The following ACTN2 variants were observed in gnomAD, a reference collection of about 807,000 sequenced individuals.
ACTN2 encodes alpha-actinin-2.
In ACTN2, 39 loss-of-function variants were observed where a neutral mutation model predicts 113.8. That is an observed-to-expected ratio of 0.34 (90% CI 0.27 to 0.45). ACTN2 has a LOEUF of 0.45. ACTN2 is among the 20% of genes least tolerant of loss of function. ACTN2 has a pLI of 1.00. For synonymous variants in ACTN2, 429 were observed against 444.1 expected (o/e 0.97, Z 0.43); for missense variants, 992 against 1,177.9 (o/e 0.84, Z 2.31).
chr1:236,753,502 G>A (rs369583232), intron 15 of ACTN2, among the ~76,000 whole-genome samples: 4 of 152,132 alleles, frequency 2.6e-5, no homozygotes, highest in Admixed American at 6.5e-5. Flanking sequence ...TGCTGTCCAC[G>A]TCATTCATAA....
At chr1:236,719,651 G>A (rs1226320979) in intron 3 of ACTN2, among the ~76,000 whole-genome samples, 3 of 152,098 alleles carry the variant, frequency 2.0e-5, no homozygotes, top group Non-Finnish European at 2.9e-5. Flanking sequence ...TTAGCTGGGT[G>A]TGGTGGCGCA....
chr1:236,702,412 A>G (rs1657704982), intron 1 of ACTN2, among the ~76,000 whole-genome samples: 1 of 152,250 alleles, frequency 6.6e-6, no homozygotes, highest in Non-Finnish European at 1.5e-5. Flanking sequence ...TAGAATATTT[A>G]GGAAATATTA....
intron 9 of ACTN2, among the ~76,000 whole-genome samples, 160 bp from the exon 10 acceptor site, chr1:236,739,142 C>G (rs1658986443): frequency 6.6e-6 from 1 of 152,068 alleles, no homozygotes; most frequent in Admixed American, 6.6e-5. Flanking sequence ...TGGGCGGACA[C>G]TGAACATCTC....
intron 1 of ACTN2, among the ~76,000 whole-genome samples, chr1:236,709,250 A>ATATATATATATG (rs1558227429): frequency 1.0e-5 from 1 of 97,552 alleles, no homozygotes; most frequent in African/African-American, 3.5e-5. Flanking sequence ...ATATATATAT[A>ATATATATATATG]TATATACACA....
intron 2 of ACTN2, among the ~76,000 whole-genome samples, chr1:236,718,671 A>G (rs941699534): frequency 6.6e-6 from 1 of 152,186 alleles, no homozygotes; most frequent in African/African-American, 2.4e-5. Context: ...TCTGAAAAGC[A>G]TGTGTCCTTC....
chr1:236,700,819 A>G lies in ACTN2; in HGVS notation c.126+14020A>G, dbSNP rs547208092. 2.0e-5 allele frequency among the ~76,000 whole-genome samples: 3 copies of G among 152,330 alleles called. No homozygotes were observed. In the South Asian group the frequency reaches 6.2e-4, roughly 32 times the overall value. ...GTCTTGCCAAGACTGCTTCCGGGGAATTTATTTAGACACAGCAGGCCCCTG... is the reference window on the plus strand; with the variant it reads ...GTCTTGCCAAGACTGCTTCCGGGGAGTTTATTTAGACACAGCAGGCCCCTG... On this transcript the variant is annotated intron_variant, in intron 1 of 20. Transcript: ENST00000366578.
chr1:236,695,563 T>TTCCCCCCC (rs1553296741), intron 1 of ACTN2, among the ~76,000 whole-genome samples: 25 of 100,772 alleles, frequency 2.5e-4, no homozygotes, highest in Non-Finnish European at 3.7e-4. Context: ...TGAAATGAGT[T>TTCCCCCCC]CCCCCCCCCT....
chr1:236,747,502 C>A (rs1005400799), intron 12 of ACTN2, among the ~76,000 whole-genome samples, 165 bp from the exon 13 acceptor site: 4 of 152,114 alleles, frequency 2.6e-5, no homozygotes, highest in African/African-American at 9.7e-5. Flanking sequence ...CACCCCCTCA[C>A]CCTTCTGAGC....
intron 1 of ACTN2, among the ~76,000 whole-genome samples, chr1:236,693,385 G>T (rs1019428728): frequency 1.3e-5 from 2 of 152,152 alleles, no homozygotes; most frequent in Admixed American, 1.3e-4. Flanking sequence ...GGCCCTTAAG[G>T]AGCTTACAGC....
At chr1:236,709,674 C>G (rs978670287) in intron 1 of ACTN2, among the ~76,000 whole-genome samples, 2 of 152,042 alleles carry the variant, frequency 1.3e-5, no homozygotes, top group African/African-American at 2.4e-5. Context: ...AGAGAACGCT[C>G]AGCAGCACCC....
rs1278228851 is a variant in ACTN2 at position 236,753,874 on chromosome 1, T to G, written c.1840-73T>G. 3.2e-4 allele frequency: 176 copies of G among 549,052 alleles called. 2 individuals carry two copies. The highest frequency in any genetic ancestry group is 2.9e-3 in the Admixed American group (146 of 50,522). The allele number at this position is 549,052 out of a possible 1,614,324, so 34.0% of individuals were successfully genotyped here. On this transcript the variant is annotated intron_variant, in intron 15 of 20. Coordinates refer to ENST00000366578, the MANE Select transcript of ACTN2 (RefSeq NM_001103.4). ...ACTCCCACCCCCACCCCTTGGACTA[T>G]TCCCGCATTCTGTGGTTGTTCCTAT...
At chr1:236,715,426 A>G (rs1444206839) in intron 1 of ACTN2, among the ~76,000 whole-genome samples, 1 of 151,724 alleles carries the variant, frequency 6.6e-6, no homozygotes, top group African/African-American at 2.4e-5. Context: ...TCATAATCTT[A>G]CCTTCAAAAA....
chr1:236,688,649 T>A (rs1049718421), intron 1 of ACTN2, among the ~76,000 whole-genome samples: 5 of 152,200 alleles, frequency 3.3e-5, no homozygotes, highest in Non-Finnish European at 5.9e-5. Context: ...GAATTTTTTT[T>A]AAGATAGTTT....
In ACTN2 at chr1:236,747,674, G is replaced by A. The variant is rs1307417080; in HGVS notation, c.1414G>A (p.Asp472Asn). ...TATTTTCACTTTTAATAGTGAACTG[G>A]ACTATCACGACGCTGTGAATGTCAA... Reference protein sequence around the residue: ...AAIAQELNELDYHDAVNVNDR... With the variant: ...AAIAQELNELNYHDAVNVNDR... Residue 472 changes from aspartate (D) to asparagine (N), a missense_variant, in exon 13 of 21, where the codon GAC (aspartate) becomes AAC (asparagine). Physicochemically the swap from Asp to Asn is conservative, Grantham distance 23 (BLOSUM62 1). Around this residue, in one of 3 missense-constraint regions of ACTN2, gnomAD observed 736 missense variants for 815.4 expected, o/e 0.90. Coordinates refer to ENST00000366578, the MANE Select transcript of ACTN2 (RefSeq NM_001103.4). 2 of 1,613,648 alleles carry A rather than the reference G, an allele frequency of 1.2e-6. No homozygotes were observed. The highest frequency in any genetic ancestry group is 8.5e-7 in the Non-Finnish European group (1 of 1,179,760).
intron 11 of ACTN2, among the ~76,000 whole-genome samples, chr1:236,743,536 C>A (rs1342483082): frequency 6.6e-6 from 1 of 151,132 alleles, no homozygotes; most frequent in Non-Finnish European, 1.5e-5. Context: ...GCCTTACACA[C>A]ATGCCGGTTT....
chr1:236,735,783 A>G, intron 8 of ACTN2, 63 bp downstream of exon 8: 1 of 1,375,662 alleles, frequency 7.3e-7, no homozygotes, highest in Non-Finnish European at 1.0e-6. Flanking sequence ...TTGTGTGTGC[A>G]TACTTGAGTG....
At chr1:236,688,752 A>C (rs1354615554) in intron 1 of ACTN2, among the ~76,000 whole-genome samples, 1 of 152,200 alleles carries the variant, frequency 6.6e-6, no homozygotes, top group African/African-American at 2.4e-5. Context: ...TGCTCAAGTC[A>C]GTAAAATAAT....
intron 1 of ACTN2, among the ~76,000 whole-genome samples, chr1:236,688,475 T>C (rs1665953496): frequency 6.6e-6 from 1 of 152,160 alleles, no homozygotes; most frequent in Admixed American, 6.5e-5. Context: ...TCTTTTAACT[T>C]ATTTGCAGTA....
chr1:236,731,257 C>T lies in ACTN2; in HGVS notation c.640C>T (p.Leu214=). Residue 214 remains leucine, a synonymous_variant, in exon 7 of 21, where the codon CTG becomes TTG. Coordinates refer to ENST00000366578, the MANE Select transcript of ACTN2 (RefSeq NM_001103.4). ...NKDDPIGNIN[L]AMEIAEKHLD... is the part of the protein sequence containing the mutation. ...GGATGACCCCATAGGAAATATTAAC[C>T]TGGCCATGGAAATCGCTGAGAAGCA... 1 of 1,613,640 alleles carries T rather than the reference C, an allele frequency of 6.2e-7. No individual in the cohort carries two copies. The highest frequency in any genetic ancestry group is 8.5e-7 in the Non-Finnish European group (1 of 1,179,624).
Sources: allele counts gnomAD v4.1 joint callset (sites outside exome capture counted in the v4.1 genomes callset), GRCh38; gene constraint gnomAD v4.1.1; regional missense constraint gnomAD v4.1.1; transcripts MANE v1.5; gene names NCBI Gene and HGNC (gene_info 2026-07-23, HGNC 2026-07-21).